Variants in MYLIP observed in about 807,000 individuals in gnomAD.
MYLIP encodes myosin regulatory light chain interacting protein.
Under a neutral mutation model 45.8 loss-of-function variants are expected in MYLIP, and 26 were observed. The observed-to-expected ratio is 0.57, with a 90% CI of 0.42 to 0.79. The LOEUF (loss-of-function observed/expected upper bound fraction) is 0.79, where lower values mean the gene tolerates loss of function less well. MYLIP is among the 30% of genes least tolerant of loss of function. MYLIP has a pLI of 0.00. For missense variants in MYLIP, 494 were observed against 555.6 expected (o/e 0.89, Z 1.11); for synonymous variants, 213 against 218.1 (o/e 0.98, Z 0.21).
At chr6:16,149,567 T>C (rs1385430238), downstream of MYLIP, among the ~76,000 whole-genome samples, 1 of 152,254 alleles carries the variant, frequency 6.6e-6, no homozygotes, top group Non-Finnish European at 1.5e-5. Context: ...AATTGGGCTC[T>C]GAAGGAACAT....
downstream of MYLIP, among the ~76,000 whole-genome samples, chr6:16,151,866 T>TA (rs543989466): frequency 2.4e-4 from 36 of 152,302 alleles, no homozygotes; most frequent in East Asian, 5.0e-3. Context: ...AAGAAAAACT[T>TA]AAAGGGGGAA....
Position 16,143,754 on chromosome 6 carries a change from A to T in MYLIP, c.718A>T (p.Thr240Ser), listed in dbSNP as rs1759726608. The T allele has an allele frequency of 1.2e-6, 2 of 1,613,912 alleles. No individual in the cohort carries two copies. The highest frequency in any genetic ancestry group is 1.7e-6 in the Non-Finnish European group (2 of 1,180,018). Residue 240 changes from threonine (T) to serine (S), a missense_variant, in exon 5 of 7, where the codon ACG (threonine) becomes TCG (serine). Transcript: ENST00000356840. ...ATQSGKNVYL[T>S]VTKESGNSIV... is the part of the protein sequence containing the mutation. Reference sequence around the variant, plus strand: ...CCAGTCAGGAAAGAATGTATATTTGACGGTCACCAAGGAATCTGGGAACAG... The same window carrying T: ...CCAGTCAGGAAAGAATGTATATTTGTCGGTCACCAAGGAATCTGGGAACAG...
chr6:16,150,826 C>T (rs1430199192), downstream of MYLIP, among the ~76,000 whole-genome samples: 1 of 152,116 alleles, frequency 6.6e-6, no homozygotes, highest in Non-Finnish European at 1.5e-5. Context: ...GAGTTATTCC[C>T]ATCCTACCCC....
Position 16,129,461 on chromosome 6 carries a change from G to A in MYLIP, c.87+52G>A, listed in dbSNP as rs1185303354. ...CCGGCGGGTCCCGCGAGGCCGAGGGGCCTCGCAGCGACGCCTGGCACTCTG... is the reference window on the plus strand; with the variant it reads ...CCGGCGGGTCCCGCGAGGCCGAGGGACCTCGCAGCGACGCCTGGCACTCTG... On this transcript the variant is annotated intron_variant, in intron 1 of 6. Coordinates refer to ENST00000356840, the MANE Select transcript of MYLIP (RefSeq NM_013262.4). This position sits in a 1 kb window ranked among gnomAD's most constrained non-coding sequence, Gnocchi z 5.1. 2.0e-6 allele frequency: 3 copies of A among 1,523,700 alleles called. No homozygotes were observed. The East Asian group carries it at 7.4e-5, about 37-fold the overall frequency. 94.4% of individuals were successfully genotyped at this position (1,523,700 alleles called of 1,614,324 possible). A position where few individuals can be genotyped will look rare whatever the true frequency, so the allele number is the denominator to read the frequency against.
At position 16,144,832 on chromosome 6, in the gene MYLIP, A is replaced by G. The variant is rs894533420; in HGVS notation, c.828-65A>G. The G allele has an allele frequency of 2.6e-6, 4 of 1,514,730 alleles. No homozygotes were observed. In the African/African-American group the frequency reaches 5.6e-5, roughly 21 times the overall value. The allele number at this position is 1,514,730 out of a possible 1,614,324, so 93.8% of individuals were successfully genotyped here. On this transcript the variant is annotated intron_variant, in intron 5 of 6. Coordinates refer to ENST00000356840, the MANE Select transcript of MYLIP (RefSeq NM_013262.4). ...TGCTGACATTTCTGTTCTTATTGACAACAGCGAATAAGGGTGCTGCCAGGC... is the reference window on the plus strand; with the variant it reads ...TGCTGACATTTCTGTTCTTATTGACGACAGCGAATAAGGGTGCTGCCAGGC...
chr6:16,143,979 A>T, intron 5 of MYLIP, 116 bp downstream of exon 5: 4 of 1,189,674 alleles, frequency 3.4e-6, no homozygotes, highest in Non-Finnish European at 4.7e-6. Context: ...ACAGAATTTA[A>T]GAAATTCTGA....
chr6:16,154,326 G>C, the MYLIP span, among the ~76,000 whole-genome samples: 17 of 152,208 alleles, frequency 1.1e-4, no homozygotes, highest in African/African-American at 3.6e-4. Flanking sequence ...TTTACATGCT[G>C]TACCTAAGGA....
chr6:16,135,618 C>A (rs1759534040), intron 2 of MYLIP, among the ~76,000 whole-genome samples: 1 of 151,824 alleles, frequency 6.6e-6, no homozygotes, highest in Non-Finnish European at 1.5e-5. Flanking sequence ...TTACTTGAAT[C>A]CTTGACCCTA....
At chr6:16,145,933 T>C (rs1291289992) in intron 6 of MYLIP, among the ~76,000 whole-genome samples, 2 of 152,226 alleles carry the variant, frequency 1.3e-5, no homozygotes, top group African/African-American at 4.8e-5. Flanking sequence ...CTTACAAGTT[T>C]TTTCAATTTG....
intron 3 of MYLIP, 47 bp from the exon 4 acceptor site, chr6:16,142,973 A>G: frequency 1.3e-6 from 2 of 1,560,036 alleles, no homozygotes; most frequent in Non-Finnish European, 1.7e-6. Flanking sequence ...TTATCTCTAA[A>G]GCTAATATCT....
At chr6:16,161,951 A>T in the MYLIP span, among the ~76,000 whole-genome samples, 1 of 152,244 alleles carries the variant, frequency 6.6e-6, no homozygotes, top group African/African-American at 2.4e-5. Flanking sequence ...GTCAGTTACC[A>T]AACATTCCAA....
chr6:16,160,729 G>C, the MYLIP span, among the ~76,000 whole-genome samples: 2 of 152,116 alleles, frequency 1.3e-5, no homozygotes, highest in Non-Finnish European at 2.9e-5. Flanking sequence ...TTGAACCCAG[G>C]AGGCGGAGGT....
In MYLIP at chr6:16,130,539, C is replaced by T; in HGVS notation, c.88-18C>T. On this transcript the variant is annotated intron_variant, in intron 1 of 6. Coordinates refer to ENST00000356840, the MANE Select transcript of MYLIP (RefSeq NM_013262.4). ...ACGTACCATTTGCTCATCCAGGCTG[C>T]ATTCCTTTTTGTTTTAGGTGTGCAG... 1 of 1,611,986 alleles carries T rather than the reference C, an allele frequency of 6.2e-7. No homozygotes were observed. Among genetic ancestry groups the T allele is most frequent in the Non-Finnish European group, 8.5e-7 (1 of 1,178,720 alleles).
At chr6:16,151,016 G>T (rs112373646), downstream of MYLIP, among the ~76,000 whole-genome samples, 10,282 of 151,968 alleles carry the variant, frequency 0.068, 415 homozygotes, top group African/African-American at 0.12. Flanking sequence ...TGAGAAAAAA[G>T]GTATGCCCCG....
chr6:16,133,445 G>T (rs192884969), intron 2 of MYLIP, among the ~76,000 whole-genome samples: 1 of 152,136 alleles, frequency 6.6e-6, no homozygotes, highest in African/African-American at 2.4e-5. Flanking sequence ...TCTTGAATAT[G>T]AGCCTCAAAT....
chr6:16,129,345 C>T lies in MYLIP; in HGVS notation c.23C>T (p.Pro8Leu). Residue 8 changes from proline (P) to leucine (L), a missense_variant, in exon 1 of 7, where the codon CCG (proline) becomes CTG (leucine). Physicochemically the swap from Pro to Leu is moderately conservative, Grantham distance 98 (BLOSUM62 -3). Transcript: ENST00000356840. The surrounding 1 kb of genome is among the most constrained non-coding windows in gnomAD (Gnocchi z 5.1). MLCYVTR[P>L]DAVLMEVEVE... ...GCCATGCTGTGTTATGTGACGAGGC[C>T]GGACGCGGTGCTGATGGAGGTGGAG... 1.3e-6 allele frequency: 2 copies of T among 1,584,518 alleles called. No homozygotes were observed. The highest frequency in any genetic ancestry group is 1.7e-6 in the Non-Finnish European group (2 of 1,165,694).
At chr6:16,144,323 G>A (rs1158250081) in intron 5 of MYLIP, among the ~76,000 whole-genome samples, 2 of 152,130 alleles carry the variant, frequency 1.3e-5, no homozygotes, top group South Asian at 2.1e-4. Flanking sequence ...CTCAGGAGAA[G>A]GATAGCACAG....
intron 2 of MYLIP, among the ~76,000 whole-genome samples, chr6:16,132,158 A>G (rs1759471229): frequency 6.6e-6 from 1 of 152,162 alleles, no homozygotes; most frequent in Non-Finnish European, 1.5e-5. Context: ...GCACAAAATT[A>G]TTTTTTAAAT....
intron 2 of MYLIP, among the ~76,000 whole-genome samples, chr6:16,136,420 T>C (rs775832401): frequency 6.6e-6 from 1 of 152,242 alleles, no homozygotes; most frequent in Non-Finnish European, 1.5e-5. Flanking sequence ...AGTGGTTGGT[T>C]CTTTTATATT....
Sources: allele counts gnomAD v4.1 joint callset (sites outside exome capture counted in the v4.1 genomes callset), GRCh38; gene constraint gnomAD v4.1.1; non-coding constraint Gnocchi (gnomAD v3.1); transcripts MANE v1.5; gene names NCBI Gene and HGNC (gene_info 2026-07-23, HGNC 2026-07-21).